The following WWOX variants were observed in gnomAD, a reference collection of about 807,000 sequenced individuals.
WWOX encodes WW domain containing oxidoreductase.
Under a neutral mutation model 46.2 loss-of-function variants are expected in WWOX, and 69 were observed. That is an observed-to-expected ratio of 1.49 (90% CI 1.23 to 1.82). The LOEUF is 1.82. WWOX is among the 40% of genes most tolerant of loss of function. The pLI is 0.00. For synonymous variants in WWOX, 359 were observed against 202.6 expected (o/e 1.77, Z -6.56); for missense variants, 919 against 542.6 (o/e 1.69, Z -6.89).
At chr16:78,313,512 T>C (rs1396133266) in intron 5 of WWOX, among the ~76,000 whole-genome samples, 2 of 152,176 alleles carry the variant, frequency 1.3e-5, no homozygotes, top group Admixed American at 6.5e-5. Flanking sequence ...ATTACAGGCA[T>C]GTGCCACCAC....
intron 8 of WWOX, among the ~76,000 whole-genome samples, chr16:79,124,877 C>T (rs573846069): frequency 2.6e-5 from 4 of 152,248 alleles, no homozygotes; most frequent in South Asian, 4.1e-4. Flanking sequence ...AGACATCTTG[C>T]CAGACCCTTA....
At chr16:78,511,499 CCCAAGCCTGTTGCCT>C (rs2085359595) in intron 8 of WWOX, among the ~76,000 whole-genome samples, 1 of 152,180 alleles carries the variant, frequency 6.6e-6, no homozygotes, top group African/African-American at 2.4e-5. Context: ...GCCTGTTGCC[CCCAAGCCTGTTGCCT>C]AAGAAATGCC....
intron 1 of WWOX, among the ~76,000 whole-genome samples, chr16:78,106,421 GT>G (rs34551316): frequency 8.9e-4 from 109 of 122,978 alleles, no homozygotes; most frequent in East Asian, 2.2e-3. Context: ...GTTTTTTTTT[GT>G]TTTTTTTTTT....
chr16:78,898,731 G>A (rs991002538), intron 8 of WWOX: 18 of 151,998 alleles, frequency 1.2e-4, no homozygotes, highest in Admixed American at 2.0e-4. Flanking sequence ...AGTGTTAAGC[G>A]TTACCATCCA....
In WWOX at chr16:78,432,542, A is replaced by C. The variant is rs775975600; in HGVS notation, c.846A>C (p.Pro282=). The part of the protein sequence containing the change: ...LGKLDFSRLS[P]TKNDYWAMLA... ...AACTGGACTTCAGTCGCCTCTCTCC[A>C]ACAAAAAACGACTATTGGGCGATGC... Residue 282 remains proline, a synonymous_variant, in exon 8 of 9, where the codon CCA becomes CCC. Coordinates refer to ENST00000566780, the MANE Select transcript of WWOX (RefSeq NM_016373.4). The C allele has an allele frequency of 1.2e-6, 2 of 1,614,136 alleles. No homozygotes were observed. The highest frequency in any genetic ancestry group is 4.5e-5 in the East Asian group (2 of 44,880).
intron 8 of WWOX, among the ~76,000 whole-genome samples, chr16:78,791,744 G>T (rs1276440366): frequency 6.6e-6 from 1 of 152,028 alleles, no homozygotes; most frequent in Non-Finnish European, 1.5e-5. Context: ...CTGGGATTTG[G>T]TGGCGCCTGC....
At chr16:78,861,309 C>G (rs899989855) in intron 8 of WWOX, among the ~76,000 whole-genome samples, 1 of 152,256 alleles carries the variant, frequency 6.6e-6, no homozygotes, top group Admixed American at 6.5e-5. Flanking sequence ...TCCATCCATC[C>G]ACCTATCCAC....
intron 8 of WWOX, among the ~76,000 whole-genome samples, chr16:78,965,439 A>C (rs1304498825): frequency 6.6e-6 from 1 of 152,000 alleles, no homozygotes; most frequent in African/African-American, 2.4e-5. Context: ...GCATGGTGGC[A>C]GGCACTTGTA....
intron 8 of WWOX, among the ~76,000 whole-genome samples, chr16:78,650,493 T>A (rs550251623): frequency 6.6e-6 from 1 of 152,174 alleles, no homozygotes; most frequent in Non-Finnish European, 1.5e-5. Flanking sequence ...TGCTTGAGAT[T>A]TGCCCTGTGA....
chr16:78,938,498 C>G (rs369521866), intron 8 of WWOX, among the ~76,000 whole-genome samples: 1 of 152,052 alleles, frequency 6.6e-6, no homozygotes, highest in Non-Finnish European at 1.5e-5. Flanking sequence ...CTGCTGCTGT[C>G]TCGGTGGGCC....
intron 8 of WWOX, among the ~76,000 whole-genome samples, chr16:78,606,916 C>G (rs1269376299): frequency 1.3e-5 from 2 of 151,888 alleles, no homozygotes; most frequent in Non-Finnish European, 2.9e-5. Flanking sequence ...TCTTTTATGT[C>G]CACAGCGGTT....
intron 8 of WWOX, among the ~76,000 whole-genome samples, chr16:78,820,510 G>A (rs1243181286): frequency 6.6e-6 from 1 of 152,112 alleles, no homozygotes; most frequent in Non-Finnish European, 1.5e-5. Context: ...AGTAGAGTTG[G>A]CCATTGCCCA....
chr16:78,537,483 T>C (rs1354509727), intron 8 of WWOX, among the ~76,000 whole-genome samples: 3 of 152,320 alleles, frequency 2.0e-5, no homozygotes, highest in Non-Finnish European at 2.9e-5. Context: ...AAAGTTCTCA[T>C]TGTTTTATCG....
intron 8 of WWOX, among the ~76,000 whole-genome samples, chr16:78,908,534 T>C (rs111751228): frequency 4.5e-5 from 3 of 67,360 alleles, no homozygotes; most frequent in African/African-American, 7.7e-5. Flanking sequence ...ACTGAAACTC[T>C]GTCTCGGAAA....
intron 8 of WWOX, among the ~76,000 whole-genome samples, chr16:78,610,598 C>T (rs1338012174): frequency 1.3e-5 from 2 of 152,100 alleles, no homozygotes; most frequent in Non-Finnish European, 2.9e-5. Flanking sequence ...ACTAGTCTCT[C>T]TGTGTGAGTT....
chr16:79,081,379 G>T (rs1007507717), intron 8 of WWOX, among the ~76,000 whole-genome samples: 1 of 152,144 alleles, frequency 6.6e-6, no homozygotes, highest in African/African-American at 2.4e-5. Flanking sequence ...GGCCAGGCTG[G>T]TCTTGAATTC....
Position 78,192,217 on chromosome 16 carries a change from G to A in WWOX, c.516+27928G>A, listed in dbSNP as rs189778903. Among the ~76,000 whole-genome samples the A allele has an allele frequency of 1.2e-3, 179 of 152,174 alleles. 4 individuals are homozygous for A. In the East Asian group the frequency reaches 0.026, roughly 22 times the overall value. On this transcript the variant is annotated intron_variant, in intron 5 of 8. Transcript: ENST00000566780. ...ATTATTAAAAAAGAAAACGAAGGCC[G>A]GGTACGGTGGCTCATGCCTGTAATC...
chr16:78,820,758 G>A (rs1232803160), intron 8 of WWOX, among the ~76,000 whole-genome samples: 2 of 152,132 alleles, frequency 1.3e-5, no homozygotes, highest in African/African-American at 4.8e-5. Flanking sequence ...GGTTTTGGTG[G>A]CCGGAAGTCC....
chr16:78,141,430 C>CTTTTTTTTTTTTT (rs10639685), intron 4 of WWOX, among the ~76,000 whole-genome samples: 1 of 118,964 alleles, frequency 8.4e-6, no homozygotes, highest in African/African-American at 3.1e-5. Flanking sequence ...CATCCCCCTT[C>CTTTTTTTTTTTTT]TTTTTTTTTT....
Sources: gnomAD v4.1 joint callset for allele counts (sites outside exome capture counted in the v4.1 genomes callset) on GRCh38, gnomAD v4.1.1 for gene constraint, MANE v1.5 for transcripts, NCBI Gene and HGNC (gene_info 2026-07-23, HGNC 2026-07-21) for gene names.